TSNARE1: variants seen among roughly 807,000 people sequenced by gnomAD.
TSNARE1 encodes the protein t-SNARE domain containing 1.
In TSNARE1, 49 loss-of-function variants were observed where a neutral mutation model predicts 62.0. That is an observed-to-expected ratio of 0.79 (90% CI 0.63 to 1.00). The LOEUF (loss-of-function observed/expected upper bound fraction) is 1.00. Among genes scored for constraint, TSNARE1 ranks in the 50% least tolerant of loss-of-function variants. The pLI is 0.00. For missense variants in TSNARE1, 755 were observed against 700.1 expected (o/e 1.08, Z -0.88); for synonymous variants, 328 against 294.4 (o/e 1.11, Z -1.17).
intron 4 of TSNARE1, among the ~76,000 whole-genome samples, chr8:142,343,300 G>A (rs957298847): frequency 6.6e-6 from 1 of 152,166 alleles, no homozygotes; most frequent in African/African-American, 2.4e-5. Context: ...AAACCACGGC[G>A]CTGAAACCCA....
chr8:142,278,234 T>C (rs950738539), intron 11 of TSNARE1: 146 of 985,270 alleles, frequency 1.5e-4, no homozygotes, highest in Non-Finnish European at 1.7e-4. Context: ...TACATGCGTC[T>C]CCCAACCAGT....
chr8:142,274,817 T>C lies in TSNARE1; in HGVS notation c.1410A>G (p.Ala470=), dbSNP rs369808036. The change falls in exon 12 of 14, where the codon GCA becomes GCG. Residue 470 remains alanine (A), a synonymous_variant. Transcript: ENST00000524325. ...TGGCTCCAGCCAGGAGCTGGCGGGC[T>C]GCCTCCGCATGCGAGGACGCAGCCT... ...SLEAASSHAE[A]ARQLLAGASR... 9 of 1,580,008 alleles carry C rather than the reference T, an allele frequency of 5.7e-6. No homozygotes were observed. The African/African-American group carries it at 1.2e-4, about 22-fold the overall frequency.
chr8:142,216,592 C>T (rs1348011086), intron 13 of TSNARE1, among the ~76,000 whole-genome samples: 1 of 152,184 alleles, frequency 6.6e-6, no homozygotes, highest in East Asian at 1.9e-4. Flanking sequence ...CACCCCTCCC[C>T]GCACTGGTCA....
intron 10 of TSNARE1, among the ~76,000 whole-genome samples, chr8:142,298,218 G>A (rs976683187): frequency 2.0e-5 from 3 of 152,252 alleles, no homozygotes; most frequent in East Asian, 1.9e-4. Context: ...TCTCTGAGCT[G>A]GACGACTGCA....
At chr8:142,300,763 G>C (rs75716323) in intron 9 of TSNARE1, 119 bp from the exon 10 acceptor site, 83 of 1,211,900 alleles carry the variant, frequency 6.8e-5, no homozygotes, top group Non-Finnish European at 8.1e-5. Context: ...CTCTCTGAGG[G>C]GACGATCTGG....
chr8:142,294,042 C>A (rs1483529743), intron 10 of TSNARE1, among the ~76,000 whole-genome samples: 1 of 152,074 alleles, frequency 6.6e-6, no homozygotes, highest in East Asian at 1.9e-4. Flanking sequence ...GGCAGCCCAC[C>A]CAGGGGCCAC....
intron 9 of TSNARE1, among the ~76,000 whole-genome samples, chr8:142,312,844 C>T (rs754716647): frequency 6.6e-6 from 1 of 152,226 alleles, no homozygotes; most frequent in Non-Finnish European, 1.5e-5. Context: ...GCTGTTCAGT[C>T]TCAATAAGCT....
At chr8:142,299,704 G>A (rs1042869021) in intron 10 of TSNARE1, among the ~76,000 whole-genome samples, 2 of 151,472 alleles carry the variant, frequency 1.3e-5, no homozygotes, top group Non-Finnish European at 2.9e-5. Context: ...GCACACACAC[G>A]CACTCACGCA....
chr8:142,365,932 T>A (rs1835518187), intron 1 of TSNARE1: 3 of 451,850 alleles, frequency 6.6e-6, no homozygotes, highest in African/African-American at 6.0e-5. Flanking sequence ...ACAGGAACAC[T>A]CAAGACTGTG....
chr8:142,307,204 G>A lies in TSNARE1; in HGVS notation c.1132-6560C>T, dbSNP rs1435585477. ...GGCATGAATTCAGCTTGGACTCAGC[G>A]TTATGTCCGAGACATCACCAGTGGG... is the stretch of plus-strand genomic sequence containing the variant. On this transcript the variant is annotated intron_variant, in intron 9 of 13. Coordinates refer to ENST00000524325, the MANE Select transcript of TSNARE1 (RefSeq NM_145003.5). Among the ~76,000 whole-genome samples, 6 of 152,228 alleles carry A rather than the reference G, an allele frequency of 3.9e-5. No homozygotes were observed. The East Asian group carries it at 7.7e-4, about 20-fold the overall frequency.
intron 1 of TSNARE1, among the ~76,000 whole-genome samples, chr8:142,387,949 A>G (rs976788455): frequency 6.6e-6 from 1 of 152,210 alleles, no homozygotes; most frequent in Non-Finnish European, 1.5e-5. Context: ...AACAGTGTAC[A>G]TACAAAAGAA....
intron 12 of TSNARE1, chr8:142,274,161 T>C: frequency 2.0e-6 from 2 of 985,338 alleles, no homozygotes; most frequent in Non-Finnish European, 2.4e-6. Context: ...TCAGGGCCAG[T>C]GGGGAGCACC....
At chr8:142,320,877 A>G (rs1829387967) in intron 6 of TSNARE1, among the ~76,000 whole-genome samples, 1 of 152,182 alleles carries the variant, frequency 6.6e-6, no homozygotes, top group Admixed American at 6.5e-5. Flanking sequence ...TCATGCCCCC[A>G]CTGAAACATC....
At chr8:142,267,866 C>T (rs1057070347) in intron 12 of TSNARE1, among the ~76,000 whole-genome samples, 1 of 152,232 alleles carries the variant, frequency 6.6e-6, no homozygotes, top group Non-Finnish European at 1.5e-5. Flanking sequence ...GAAATCCCAT[C>T]TGGGATAGGT....
chr8:142,381,745 C>T (rs2131227114), intron 1 of TSNARE1, among the ~76,000 whole-genome samples: 1 of 152,316 alleles, frequency 6.6e-6, no homozygotes, highest in African/African-American at 2.4e-5. Flanking sequence ...AAGCAAGTCC[C>T]CAACCCCAGA....
chr8:142,273,535 T>C, intron 12 of TSNARE1: 1 of 985,372 alleles, frequency 1.0e-6, no homozygotes, highest in Non-Finnish European at 1.2e-6. Context: ...ATCCTGCAGG[T>C]GACCTTGGCA....
intron 12 of TSNARE1, among the ~76,000 whole-genome samples, chr8:142,263,744 T>C (rs1211188392): frequency 1.3e-5 from 2 of 152,238 alleles, no homozygotes; most frequent in East Asian, 1.9e-4. Context: ...GTCTATTTTT[T>C]AGCTGAGTTT....
chr8:142,326,480 T>C lies in TSNARE1; in HGVS notation c.893+4421A>G, dbSNP rs56087856. On this transcript the variant is annotated intron_variant, in intron 6 of 13. Transcript: ENST00000524325. Reference sequence around the variant, plus strand: ...GCGAAGGGGAGGGCCCCGGAGGGCATGAGACAGATGAGGAACCAGCACCAG... The same window carrying C: ...GCGAAGGGGAGGGCCCCGGAGGGCACGAGACAGATGAGGAACCAGCACCAG... 1.9e-3 allele frequency among the ~76,000 whole-genome samples: 49 copies of C among 25,290 alleles called. 10 individuals carry two copies. Among genetic ancestry groups the C allele is most frequent in the African/African-American group, 4.8e-3 (18 of 3,774 alleles). The allele number at this position is 25,290 out of a possible 152,430, so 16.6% of individuals were successfully genotyped here.
chr8:142,382,557 C>A (rs1017877132), intron 1 of TSNARE1, among the ~76,000 whole-genome samples: 2 of 152,164 alleles, frequency 1.3e-5, no homozygotes, highest in African/African-American at 4.8e-5. Flanking sequence ...GCCCAAGAGT[C>A]ATGCTGTGCC....
Sources: gnomAD v4.1 joint callset for allele counts (sites outside exome capture counted in the v4.1 genomes callset) on GRCh38, gnomAD v4.1.1 for gene constraint, MANE v1.5 for transcripts, NCBI Gene and HGNC (gene_info 2026-07-23, HGNC 2026-07-21) for gene names.